Variants in EIF3C observed in about 807,000 individuals in gnomAD.
EIF3C encodes the protein cell migration-inducing protein 17.
A neutral mutation model predicts 11.1 loss-of-function variants in EIF3C; 2 were observed. The ratio of observed to expected loss-of-function variants is 0.18; its 90% confidence interval spans 0.07 to 0.57. The LOEUF (loss-of-function observed/expected upper bound fraction) is 0.57. Among genes scored for constraint, EIF3C ranks in the 20% least tolerant of loss-of-function variants. EIF3C has a pLI of 0.92. For synonymous variants in EIF3C, 2 were observed against 41.5 expected (o/e 0.05, Z 3.66); for missense variants, 16 against 114.6 (o/e 0.14, Z 3.93).
At chr16:28,697,831 C>A (rs1260358054) in intron 1 of EIF3C, among the ~76,000 whole-genome samples, 4 of 86,930 alleles carry the variant, frequency 4.6e-5, no homozygotes, top group East Asian at 4.2e-4. Flanking sequence ...TGACCCCCCC[C>A]ACCTCCCTCC....
At chr16:28,733,099 T>C (rs2048463975) in intron 16 of EIF3C, among the ~76,000 whole-genome samples, 1 of 49,156 alleles carries the variant, frequency 2.0e-5, no homozygotes, top group African/African-American at 1.1e-4. Flanking sequence ...TTTTTTTTTT[T>C]TTTTGAGACG....
intron 1 of EIF3C, among the ~76,000 whole-genome samples, chr16:28,698,588 T>C (rs1256387254): frequency 3.2e-5 from 3 of 92,534 alleles, no homozygotes; most frequent in African/African-American, 9.0e-5. Context: ...CGCTCCTCAC[T>C]TCCCAGATGG....
intron 2 of EIF3C, among the ~76,000 whole-genome samples, chr16:28,712,826 C>T (rs1230283672): frequency 6.7e-6 from 1 of 149,872 alleles, no homozygotes; most frequent in Non-Finnish European, 1.5e-5. Flanking sequence ...GGTGAAACCC[C>T]GTCTCTACTA....
At chr16:28,688,871 T>C (rs2151781732) in intron 1 of EIF3C, 1 of 45,724 alleles carries the variant, frequency 2.2e-5, no homozygotes, top group African/African-American at 1.8e-4. Context: ...CTTTGGGTGT[T>C]TTTTGGTTGT....
At chr16:28,712,947 G>A (rs1456752030) in intron 2 of EIF3C, among the ~76,000 whole-genome samples, 2 of 149,058 alleles carry the variant, frequency 1.3e-5, no homozygotes, top group Admixed American at 6.7e-5. Context: ...GTAGTGAGCC[G>A]AGATTGCGCC....
At chr16:28,722,984 T>C in intron 8 of EIF3C, 180 bp from the exon 9 acceptor site, 1 of 676,124 alleles carries the variant, frequency 1.5e-6, no homozygotes, top group Non-Finnish European at 2.5e-6. Flanking sequence ...AGTGGCCTGG[T>C]TAGTACTCTG....
At chr16:28,697,885 C>G (rs2048248487) in intron 1 of EIF3C, among the ~76,000 whole-genome samples, 1 of 91,468 alleles carries the variant, frequency 1.1e-5, no homozygotes, top group Non-Finnish European at 2.1e-5. Flanking sequence ...CCCCCAACCT[C>G]CCTCCCGGAC....
intron 1 of EIF3C, among the ~76,000 whole-genome samples, chr16:28,697,876 C>CT (rs2048248380): frequency 1.1e-5 from 1 of 89,828 alleles, no homozygotes; most frequent in Non-Finnish European, 2.1e-5. Flanking sequence ...GGGGCTGACC[C>CT]CCCAACCTCC....
chr16:28,697,960 C>G (rs2048249462), intron 1 of EIF3C, among the ~76,000 whole-genome samples: 1 of 94,010 alleles, frequency 1.1e-5, no homozygotes, highest in Non-Finnish European at 2.1e-5. Flanking sequence ...AGAGGCGCCC[C>G]TCACCTCCCG....
At position 28,697,016 on chromosome 16, in the gene EIF3C, G is replaced by A. The variant is rs1468247412; in HGVS notation, c.-31+8188G>A. On this transcript the variant is annotated intron_variant, in intron 1 of 20. Transcript: ENST00000566501. ...TCTCACTCCTGTTGCCCAGTCTAGA[G>A]CGCAATGGGGTGATCTCAGCCCACT... Among the ~76,000 whole-genome samples the A allele has an allele frequency of 6.1e-5, 2 of 32,982 alleles. 1 individual carries two copies. Among genetic ancestry groups the A allele is most frequent in the Non-Finnish European group, 1.0e-4 (2 of 19,872 alleles). The allele number at this position is 32,982 out of a possible 152,430, so 21.6% of individuals were successfully genotyped here. A position where few individuals can be genotyped will look rare whatever the true frequency, so the allele number is the denominator to read the frequency against.
intron 8 of EIF3C, 35 bp from the exon 9 acceptor site, chr16:28,723,129 G>A (rs2048353132): frequency 1.2e-6 from 2 of 1,609,018 alleles, no homozygotes; most frequent in Middle Eastern, 1.7e-4. Context: ...GTGGGGAGGG[G>A]CTGATCTGTC....
At chr16:28,694,447 AG>A (rs2048232644) in intron 1 of EIF3C, among the ~76,000 whole-genome samples, 1 of 151,020 alleles carries the variant, frequency 6.6e-6, no homozygotes, top group South Asian at 2.1e-4. Context: ...AGAGAGAGGC[AG>A]GTGGGAGAGA....
chr16:28,699,574 C>T (rs1247273057), intron 1 of EIF3C, among the ~76,000 whole-genome samples: 3 of 101,512 alleles, frequency 3.0e-5, no homozygotes, highest in African/African-American at 1.4e-4. Context: ...GACGGAGTCT[C>T]GCTCTGTTGC....
chr16:28,698,334 G>A (rs1470660799), intron 1 of EIF3C, among the ~76,000 whole-genome samples: 1 of 99,458 alleles, frequency 1.0e-5, no homozygotes. Context: ...GGGCGGCCGG[G>A]CAGAGGCGCC....
chr16:28,723,134 T>A (rs747822699), intron 8 of EIF3C, 30 bp from the exon 9 acceptor site: 3 of 1,610,096 alleles, frequency 1.9e-6, no homozygotes, highest in Non-Finnish European at 2.5e-6. Context: ...GAGGGGCTGA[T>A]CTGTCATCTT....
intron 1 of EIF3C, among the ~76,000 whole-genome samples, chr16:28,697,183 T>G (rs2048243445): frequency 3.8e-5 from 1 of 26,426 alleles, no homozygotes; most frequent in Admixed American, 4.5e-4. Flanking sequence ...TTTATTTGAG[T>G]TTTTTTTTTT....
At chr16:28,697,884 T>G in intron 1 of EIF3C, among the ~76,000 whole-genome samples, 1 of 70,342 alleles carries the variant, frequency 1.4e-5, no homozygotes, top group Non-Finnish European at 2.6e-5. Context: ...CCCCCCAACC[T>G]CCCTCCCGGA....
rs1430932169 is a variant in EIF3C at position 28,699,995 on chromosome 16, C to T, written c.-31+11167C>T. ...GGGACCCTCCCCTCTACCTGGCGGA[C>T]CAGCCTGGCGACCTCTGCCCCTCCC... On this transcript the variant is annotated intron_variant, in intron 1 of 20. Coordinates refer to the EIF3C transcript ENST00000566501. 2.2e-4 allele frequency among the ~76,000 whole-genome samples: 8 copies of T among 37,152 alleles called. 1 individual carries two copies. The highest frequency in any genetic ancestry group is 3.0e-4 in the Non-Finnish European group (6 of 19,956). 24.4% of individuals were successfully genotyped at this position (37,152 alleles called of 152,430 possible).
At position 28,699,736 on chromosome 16, in the gene EIF3C, G is replaced by A. The variant is rs1408310764; in HGVS notation, c.-31+10908G>A. 1.4e-4 allele frequency among the ~76,000 whole-genome samples: 12 copies of A among 83,790 alleles called. 3 individuals carry two copies. Among genetic ancestry groups the A allele is most frequent in the Admixed American group, 4.6e-4 (4 of 8,730 alleles). 55.0% of individuals were successfully genotyped at this position (83,790 alleles called of 152,430 possible). The stretch of plus-strand genomic sequence containing the variant: ...TTTTTGTATTTTTAGTAGAGATGGG[G>A]TTTCACCATGTTGGCCAGGCTGGTC... On this transcript the variant is annotated intron_variant, in intron 1 of 20. Transcript: ENST00000566501.
Sources: allele counts gnomAD v4.1 joint callset (sites outside exome capture counted in the v4.1 genomes callset), GRCh38; gene constraint gnomAD v4.1.1; transcripts MANE v1.5; gene names NCBI Gene and HGNC (gene_info 2026-07-23, HGNC 2026-07-21).